ABHD17C: variants seen among roughly 807,000 people sequenced by gnomAD.
The protein encoded by ABHD17C is abhydrolase domain containing 17C, depalmitoylase.
ABHD17C carries 11 observed loss-of-function variants against 27.9 expected under a neutral mutation model. That is an observed-to-expected ratio of 0.39 (90% CI 0.25 to 0.65). The LOEUF is 0.65. ABHD17C is among the 30% of genes least tolerant of loss of function. ABHD17C has a pLI of 0.45. For missense variants in ABHD17C, 280 were observed against 470.2 expected (o/e 0.60, Z 3.74); for synonymous variants, 233 against 209.1 (o/e 1.11, Z -0.98).
At chr15:80,728,942 G>A (rs544355137) in intron 1 of ABHD17C, among the ~76,000 whole-genome samples, 1 of 152,322 alleles carries the variant, frequency 6.6e-6, no homozygotes, top group Admixed American at 6.5e-5. Flanking sequence ...TCTGTATCTT[G>A]TTCAAGAGTT....
intron 1 of ABHD17C, among the ~76,000 whole-genome samples, chr15:80,731,733 C>A (rs2141511405): frequency 6.6e-6 from 1 of 151,910 alleles, no homozygotes; most frequent in Middle Eastern, 3.4e-3. Context: ...TTACTGTTTA[C>A]TGTTTTTACT....
intron 1 of ABHD17C, among the ~76,000 whole-genome samples, chr15:80,699,010 C>A (rs1894535838): frequency 6.6e-6 from 1 of 152,218 alleles, no homozygotes; most frequent in African/African-American, 2.4e-5. Context: ...CAGGACTTTG[C>A]CCCACTCTTC....
intron 1 of ABHD17C, among the ~76,000 whole-genome samples, chr15:80,744,332 A>T (rs144402296): frequency 1.3e-5 from 2 of 152,282 alleles, no homozygotes; most frequent in East Asian, 3.9e-4. Context: ...AACCATTGGC[A>T]TAGAGGTCAC....
chr15:80,717,556 G>C (rs1894824105), intron 1 of ABHD17C, among the ~76,000 whole-genome samples: 1 of 151,990 alleles, frequency 6.6e-6, no homozygotes, highest in Non-Finnish European at 1.5e-5. Context: ...ACCATGCCTG[G>C]CTAATTTTTG....
Position 80,746,289 on chromosome 15 carries a change from G to C in ABHD17C, c.591-3224G>C, listed in dbSNP as rs1241443593. 3.3e-5 allele frequency among the ~76,000 whole-genome samples: 5 copies of C among 150,852 alleles called. No individual in the cohort carries two copies. The South Asian group carries it at 6.3e-4, about 19-fold the overall frequency. On this transcript the variant is annotated intron_variant, in intron 1 of 2. Coordinates refer to ENST00000258884, the MANE Select transcript of ABHD17C (RefSeq NM_021214.2). ...TTCTATTTTTCTTGTTTAGTCAGTT[G>C]TCTTATTGATTTGTAGTAGTTATTT... is the stretch of plus-strand genomic sequence containing the variant.
chr15:80,703,276 G>C (rs1414557368), intron 1 of ABHD17C: 1 of 152,236 alleles, frequency 6.6e-6, no homozygotes, highest in Non-Finnish European at 1.5e-5. Context: ...CTGATCACCC[G>C]TTAAGGGTCC....
chr15:80,726,459 A>G (rs1302796213), intron 1 of ABHD17C, among the ~76,000 whole-genome samples: 1 of 147,964 alleles, frequency 6.8e-6, no homozygotes, highest in Non-Finnish European at 1.5e-5. Context: ...CTCCAGTTTC[A>G]AGGATTTTCC....
At chr15:80,707,032 C>T (rs1894657416) in intron 1 of ABHD17C, among the ~76,000 whole-genome samples, 1 of 152,106 alleles carries the variant, frequency 6.6e-6, no homozygotes. Context: ...ATGAACATGC[C>T]ATTGTAAAGG....
At chr15:80,729,758 G>C (rs1018181353) in intron 1 of ABHD17C, among the ~76,000 whole-genome samples, 6 of 152,154 alleles carry the variant, frequency 3.9e-5, no homozygotes, top group African/African-American at 1.4e-4. Flanking sequence ...GAACCTAATG[G>C]CATCTTGGGT....
intron 1 of ABHD17C, among the ~76,000 whole-genome samples, chr15:80,718,630 C>T (rs1894842821): frequency 6.6e-6 from 1 of 152,132 alleles, no homozygotes; most frequent in African/African-American, 2.4e-5. Flanking sequence ...CACCCATGCC[C>T]AGCCGCTTCT....
intron 1 of ABHD17C, among the ~76,000 whole-genome samples, chr15:80,712,357 A>G (rs1894739212): frequency 6.6e-6 from 1 of 152,234 alleles, no homozygotes; most frequent in Non-Finnish European, 1.5e-5. Context: ...GGCATCAGTC[A>G]GGTGGCTGGT....
chr15:80,700,454 G>A (rs1263723660), intron 1 of ABHD17C, among the ~76,000 whole-genome samples: 4 of 152,146 alleles, frequency 2.6e-5, no homozygotes, highest in South Asian at 2.1e-4. Flanking sequence ...GGAGAGAGGC[G>A]TTTGGTAATG....
At chr15:80,742,275 G>A (rs1341456261) in intron 1 of ABHD17C, among the ~76,000 whole-genome samples, 2 of 152,160 alleles carry the variant, frequency 1.3e-5, no homozygotes, top group Admixed American at 6.6e-5. Context: ...AAAGGCCTGA[G>A]GACCAGGAGG....
intron 1 of ABHD17C, among the ~76,000 whole-genome samples, chr15:80,748,778 T>C (rs2627318): frequency 0.94 from 139,880 of 149,486 alleles, 65,487 homozygotes; most frequent in East Asian, 0.97. Flanking sequence ...GCATGGGGAA[T>C]GCACACCATT....
chr15:80,738,793 T>A (rs936216991), intron 1 of ABHD17C, among the ~76,000 whole-genome samples: 1 of 151,686 alleles, frequency 6.6e-6, no homozygotes, highest in East Asian at 1.9e-4. Context: ...AAAGGAAGGG[T>A]GGGGAGGCTA....
chr15:80,739,987 C>T (rs1895186656), intron 1 of ABHD17C, among the ~76,000 whole-genome samples: 1 of 152,218 alleles, frequency 6.6e-6, no homozygotes, highest in African/African-American at 2.4e-5. Context: ...AGCTCCCCGT[C>T]TGACTTCCTA....
In ABHD17C at chr15:80,755,329, C is replaced by T. The variant is rs1895418509; in HGVS notation, c.*959C>T. ...TGAAGAATTTATGTAATTAAAATTT[C>T]ACTAAACTAATCTTTTTAGTTTAGG... On this transcript the variant is annotated 3_prime_UTR_variant, in exon 3 of 3. Coordinates refer to ENST00000258884, the MANE Select transcript of ABHD17C (RefSeq NM_021214.2). The T allele has an allele frequency of 6.6e-6, 1 of 152,150 alleles. No individual in the cohort carries two copies. Among genetic ancestry groups the T allele is most frequent in the Non-Finnish European group, 1.5e-5 (1 of 68,024 alleles). The allele number at this position is 152,150 out of a possible 1,614,324, so 9.4% of individuals were successfully genotyped here. A position where few individuals can be genotyped will look rare whatever the true frequency, so the allele number is the denominator to read the frequency against.
intron 1 of ABHD17C, among the ~76,000 whole-genome samples, chr15:80,709,167 GTAAATA>G (rs926636756): frequency 3.3e-5 from 5 of 151,398 alleles, no homozygotes; most frequent in Non-Finnish European, 7.4e-5. Flanking sequence ...TGTATATATT[GTAAATA>G]TAAATATATA....
chr15:80,737,437 A>C (rs1240765046), intron 1 of ABHD17C, among the ~76,000 whole-genome samples: 3 of 152,134 alleles, frequency 2.0e-5, no homozygotes, highest in South Asian at 2.1e-4. Context: ...TTTAATTTTA[A>C]TTTGTTCAAA....
Sources: allele counts gnomAD v4.1 joint callset (sites outside exome capture counted in the v4.1 genomes callset), GRCh38; gene constraint gnomAD v4.1.1; transcripts MANE v1.5; gene names NCBI Gene and HGNC (gene_info 2026-07-23, HGNC 2026-07-21).